The following SLC44A5 variants were observed in gnomAD, a reference collection of about 807,000 sequenced individuals.
SLC44A5 encodes choline transporter-like protein 5.
Under a neutral mutation model 101.8 loss-of-function variants are expected in SLC44A5, and 57 were observed. The ratio of observed to expected loss-of-function variants is 0.56; its 90% CI spans 0.45 to 0.70. The LOEUF (loss-of-function observed/expected upper bound fraction) is 0.70, where lower values mean the gene tolerates loss of function less well. Among genes scored for constraint, SLC44A5 ranks in the 30% least tolerant of loss-of-function variants. The pLI is 0.00. For synonymous variants in SLC44A5, 281 were observed against 290.9 expected (o/e 0.97, Z 0.35); for missense variants, 737 against 853.1 (o/e 0.86, Z 1.70).
chr1:75,202,335 A>T lies in SLC44A5; in HGVS notation c.*1392T>A, dbSNP rs1646678852. The T allele has an allele frequency of 6.6e-6, 1 of 152,200 alleles. No homozygotes were observed. The highest frequency in any genetic ancestry group is 2.1e-4 in the South Asian group (1 of 4,830). 9.4% of individuals were successfully genotyped at this position (152,200 alleles called of 1,614,324 possible). On this transcript the variant is annotated 3_prime_UTR_variant, in exon 24 of 24. Transcript: ENST00000370859. ...TTTTGGCATAAAAGTATCTAAAGTC[A>T]CATTTAAACAAATGTGATAATATTT... is the stretch of plus-strand genomic sequence containing the variant.
At chr1:75,407,777 A>G (rs1440181072) in intron 2 of SLC44A5, among the ~76,000 whole-genome samples, 1 of 152,220 alleles carries the variant, frequency 6.6e-6, no homozygotes, top group East Asian at 1.9e-4. Flanking sequence ...AACCTAGGCA[A>G]TACCATTCAG....
At chr1:75,404,328 A>T (rs1341214549) in intron 2 of SLC44A5, among the ~76,000 whole-genome samples, 4 of 152,118 alleles carry the variant, frequency 2.6e-5, no homozygotes, top group Non-Finnish European at 5.9e-5. Flanking sequence ...CCAACATGCA[A>T]ATTCAGGAAA....
intron 1 of SLC44A5, among the ~76,000 whole-genome samples, chr1:75,572,795 AG>A (rs1245270081): frequency 6.6e-6 from 1 of 152,108 alleles, no homozygotes. Context: ...GGAAGTAAAG[AG>A]TAATATAAAT....
intron 3 of SLC44A5, among the ~76,000 whole-genome samples, chr1:75,385,600 T>C (rs552231473): frequency 6.6e-6 from 1 of 152,164 alleles, no homozygotes; most frequent in Non-Finnish European, 1.5e-5. Flanking sequence ...CAGGACCAGA[T>C]GGATTCACAG....
At chr1:75,526,826 C>T (rs1448421409) in intron 2 of SLC44A5, among the ~76,000 whole-genome samples, 1 of 152,138 alleles carries the variant, frequency 6.6e-6, no homozygotes, top group Non-Finnish European at 1.5e-5. Flanking sequence ...GCACATTTGA[C>T]CATTTCCTCA....
chr1:75,524,711 A>T (rs184801672), intron 2 of SLC44A5, among the ~76,000 whole-genome samples: 1 of 152,294 alleles, frequency 6.6e-6, no homozygotes, highest in East Asian at 1.9e-4. Flanking sequence ...TAGTCAGCAA[A>T]AATATTTTAA....
chr1:75,338,358 C>A (rs1323608220), intron 4 of SLC44A5, among the ~76,000 whole-genome samples: 1 of 151,500 alleles, frequency 6.6e-6, no homozygotes, highest in Non-Finnish European at 1.5e-5. Flanking sequence ...AGGCATAATT[C>A]TGCTCTCTTA....
chr1:75,252,769 G>A (rs888109133), intron 6 of SLC44A5, among the ~76,000 whole-genome samples: 1 of 152,174 alleles, frequency 6.6e-6, no homozygotes, highest in Non-Finnish European at 1.5e-5. Flanking sequence ...AAAAGTCAAT[G>A]AGGCAGAAAG....
At chr1:75,372,240 T>A (rs1272008529) in intron 3 of SLC44A5, among the ~76,000 whole-genome samples, 1 of 151,894 alleles carries the variant, frequency 6.6e-6, no homozygotes, top group Non-Finnish European at 1.5e-5. Context: ...GAAAGAGCTT[T>A]TTCCCAGTGA....
intron 3 of SLC44A5, among the ~76,000 whole-genome samples, chr1:75,349,775 C>A (rs1658505080): frequency 6.6e-6 from 1 of 151,626 alleles, no homozygotes; most frequent in African/African-American, 2.4e-5. Flanking sequence ...ATAATACAAT[C>A]CAAAAATTGA....
At chr1:75,572,203 G>A (rs369983377) in intron 1 of SLC44A5, among the ~76,000 whole-genome samples, 10 of 152,350 alleles carry the variant, frequency 6.6e-5, no homozygotes, top group African/African-American at 2.4e-4. Context: ...CCATGGAACA[G>A]TGAAAGTAAG....
chr1:75,625,977 A>T, the SLC44A5 span, among the ~76,000 whole-genome samples: 2 of 152,192 alleles, frequency 1.3e-5, no homozygotes, highest in African/African-American at 4.8e-5. Flanking sequence ...GAAGTAGGGC[A>T]TATAGTTATC....
the SLC44A5 span, among the ~76,000 whole-genome samples, chr1:75,671,211 C>T: frequency 1.3e-5 from 2 of 152,130 alleles, no homozygotes; most frequent in African/African-American, 2.4e-5. Flanking sequence ...GGGGATGGGG[C>T]TTAACCTGTG....
intron 2 of SLC44A5, among the ~76,000 whole-genome samples, chr1:75,413,336 A>G (rs1255567478): frequency 6.6e-6 from 1 of 152,134 alleles, no homozygotes; most frequent in Non-Finnish European, 1.5e-5. Context: ...ATAAACAAGC[A>G]TATTTTAGAG....
the SLC44A5 span, among the ~76,000 whole-genome samples, chr1:75,717,013 A>G: frequency 1.2e-3 from 177 of 151,824 alleles, no homozygotes; most frequent in African/African-American, 4.1e-3. Context: ...CAGCCTGGGC[A>G]ACAGAGCAAG....
At chr1:75,712,556 T>G in the SLC44A5 span, among the ~76,000 whole-genome samples, 1 of 152,286 alleles carries the variant, frequency 6.6e-6, no homozygotes, top group South Asian at 2.1e-4. Flanking sequence ...TTGGCAAGGC[T>G]GACAAAGCCT....
chr1:75,645,649 AT>A, the SLC44A5 span, among the ~76,000 whole-genome samples: 6 of 150,454 alleles, frequency 4.0e-5, no homozygotes, highest in Non-Finnish European at 7.4e-5. Flanking sequence ...CCATTTGTCA[AT>A]TTTGGCTTTT....
the SLC44A5 span, among the ~76,000 whole-genome samples, chr1:75,721,450 T>C: frequency 1.7e-4 from 26 of 152,336 alleles, no homozygotes; most frequent in African/African-American, 5.5e-4. Flanking sequence ...TTAGTGTTAG[T>C]GTATTTTATG....
At chr1:75,364,129 G>T (rs1262457876) in intron 3 of SLC44A5, among the ~76,000 whole-genome samples, 1 of 152,092 alleles carries the variant, frequency 6.6e-6, no homozygotes, top group African/African-American at 2.4e-5. Flanking sequence ...ATTATGATGT[G>T]TCTTGGTGAG....
Sources: allele counts gnomAD v4.1 joint callset (sites outside exome capture counted in the v4.1 genomes callset), GRCh38; gene constraint gnomAD v4.1.1; transcripts MANE v1.5; gene names NCBI Gene and HGNC (gene_info 2026-07-23, HGNC 2026-07-21).